RGS12: variants seen among roughly 807,000 people sequenced by gnomAD.
RGS12 encodes the protein regulator of G-protein signaling 12.
In RGS12, 66 loss-of-function variants were observed where a neutral mutation model predicts 120.1. That is an observed-to-expected ratio of 0.55 (90% CI 0.45 to 0.67). The LOEUF (loss-of-function observed/expected upper bound fraction) is 0.67, where lower values mean the gene tolerates loss of function less well. RGS12 is among the 30% of genes least tolerant of loss of function. RGS12 has a pLI of 0.00. For synonymous variants in RGS12, 827 were observed against 804.7 expected (o/e 1.03, Z -0.47); for missense variants, 1,859 against 1,957.7 (o/e 0.95, Z 0.95).
At chr4:3,309,374 GTGCAGGGGAGGAGCTGGGACCCT>G (rs1560645351) in intron 1 of RGS12, among the ~76,000 whole-genome samples, 1 of 139,868 alleles carries the variant, frequency 7.1e-6, no homozygotes. Context: ...GAGGGGAACC[GTGCAGGGGAGGAGCTGGGACCCT>G]GGAATGGCAG....
chr4:3,392,595 G>A (rs971476007), intron 4 of RGS12, among the ~76,000 whole-genome samples: 1 of 152,170 alleles, frequency 6.6e-6, no homozygotes, highest in Non-Finnish European at 1.5e-5. Context: ...AATTCCTGCC[G>A]ATCAGCCTGT....
chr4:3,329,810 A>G (rs967195628), intron 2 of RGS12, among the ~76,000 whole-genome samples: 1 of 152,262 alleles, frequency 6.6e-6, no homozygotes, highest in Non-Finnish European at 1.5e-5. Context: ...TGAGTCCATG[A>G]GTGCAAAATT....
At chr4:3,349,436 T>TA (rs1486447032) in intron 3 of RGS12, among the ~76,000 whole-genome samples, 1 of 152,222 alleles carries the variant, frequency 6.6e-6, no homozygotes, top group Non-Finnish European at 1.5e-5. Context: ...TACATACCTA[T>TA]AACTTTCTTC....
chr4:3,303,484 C>T (rs537231333), intron 1 of RGS12, among the ~76,000 whole-genome samples: 8 of 151,798 alleles, frequency 5.3e-5, no homozygotes, highest in Non-Finnish European at 1.0e-4. Context: ...ATACTCTGTC[C>T]CTGGAGGCTC....
chr4:3,364,127 A>C (rs1716036466), intron 3 of RGS12, among the ~76,000 whole-genome samples: 1 of 152,232 alleles, frequency 6.6e-6, no homozygotes. Flanking sequence ...AGCAGGATTT[A>C]TCTTAGATGA....
chr4:3,317,560 G>C lies in RGS12; in HGVS notation c.1390G>C (p.Gly464Arg), dbSNP rs1392415981. Residue 464 changes from glycine to arginine, a missense_variant, in exon 2 of 18, where the codon GGT (glycine) becomes CGT (arginine). Coordinates refer to ENST00000336727, the MANE Select transcript of RGS12 (RefSeq NM_001394154.1). ...GSAWDGVGGR[G>R]AQPWGAPWTG... ...CGCGTGGGACGGTGTGGGTGGGAGG[G>C]GTGCCCAGCCCTGGGGTGCTCCCTG... 2 of 1,607,372 alleles carry C rather than the reference G, an allele frequency of 1.2e-6. No individual in the cohort carries two copies. The highest frequency in any genetic ancestry group is 2.2e-5 in the East Asian group (1 of 44,822).
intron 3 of RGS12, among the ~76,000 whole-genome samples, chr4:3,369,055 C>T (rs1716690951): frequency 6.6e-6 from 1 of 152,104 alleles, no homozygotes; most frequent in Non-Finnish European, 1.5e-5. Context: ...GGCGGGAGCC[C>T]CTTCCTGGGC....
At chr4:3,288,067 C>G (rs948336218), upstream of RGS12, among the ~76,000 whole-genome samples, 1 of 152,236 alleles carries the variant, frequency 6.6e-6, no homozygotes, top group South Asian at 2.1e-4. This position sits in a 1 kb window ranked among gnomAD's most constrained non-coding sequence, Gnocchi z 5.2. Context: ...ACCGTGGGCC[C>G]GTACCTGCTG....
At position 3,390,674 on chromosome 4, in the gene RGS12, C is replaced by T. The variant is rs923128643; in HGVS notation, c.2020+4237C>T. Among the ~76,000 whole-genome samples the T allele has an allele frequency of 2.6e-5, 4 of 152,204 alleles. No individual in the cohort carries two copies. Among genetic ancestry groups the T allele is most frequent in the Non-Finnish European group, 4.4e-5 (3 of 68,032 alleles). ...TGGCCATGGCGGAAGATTCGGGCTC[C>T]ACCTGCAGCTCCACAGCTGACAGGC... On this transcript the variant is annotated intron_variant, in intron 4 of 17. Coordinates refer to ENST00000336727, the MANE Select transcript of RGS12 (RefSeq NM_001394154.1). This position sits in a 1 kb window ranked among gnomAD's most constrained non-coding sequence, Gnocchi z 4.6.
chr4:3,426,653 C>T (rs1723687147), intron 14 of RGS12: 1 of 152,134 alleles, frequency 6.6e-6, no homozygotes, highest in Admixed American at 6.5e-5. Context: ...CGGAGATGGG[C>T]TCGTCGCCCG....
chr4:3,398,576 TCAGA>T (rs1027202226), intron 4 of RGS12, among the ~76,000 whole-genome samples: 3 of 152,046 alleles, frequency 2.0e-5, no homozygotes, highest in Non-Finnish European at 4.4e-5. Flanking sequence ...AATATTAATA[TCAGA>T]CAAAGTGAAA....
At chr4:3,287,904 TC>T in the RGS12 span, among the ~76,000 whole-genome samples, 1 of 151,940 alleles carries the variant, frequency 6.6e-6, no homozygotes, top group Non-Finnish European at 1.5e-5. Context: ...CTCCCACATC[TC>T]CCCCAAACTC....
intron 4 of RGS12, among the ~76,000 whole-genome samples, chr4:3,403,607 CCT>C (rs1441042811): frequency 6.6e-6 from 1 of 152,206 alleles, no homozygotes; most frequent in Non-Finnish European, 1.5e-5. Context: ...ATTCCAGATC[CCT>C]GTTTTCTAAC....
At chr4:3,413,176 TGCTCGCGTCAGGAGGGACGGGGGC>T in intron 4 of RGS12, 7 of 148,756 alleles carry the variant, frequency 4.7e-5, no homozygotes, top group African/African-American at 1.7e-4. Context: ...GCCCCCACAC[TGCTCGCGTCAGGAGGGACGGGGGC>T]GCCCCCACAC....
At chr4:3,300,461 C>CCCTGGGAGGAGGAGGACTG (rs71180121) in intron 1 of RGS12, among the ~76,000 whole-genome samples, 12,116 of 152,162 alleles carry the variant, frequency 0.08, 646 homozygotes, top group African/African-American at 0.15. Context: ...GGGACGTTGG[C>CCCTGGGAGGAGGAGGACTG]CCTGGGAGGA....
chr4:3,425,411 G>A (rs1723502569), intron 13 of RGS12, 53 bp from the exon 14 acceptor site: 2 of 1,482,534 alleles, frequency 1.3e-6, no homozygotes, highest in Non-Finnish European at 1.9e-6. Context: ...ACACACATCT[G>A]TTCCCTGAAG....
chr4:3,439,828 A>C lies in RGS12; in HGVS notation c.*144A>C. The C allele has an allele frequency of 1.4e-6, 1 of 736,420 alleles. No individual in the cohort carries two copies. The highest frequency in any genetic ancestry group is 2.1e-6 in the Non-Finnish European group (1 of 471,030). The allele number at this position is 736,420 out of a possible 1,614,324, so 45.6% of individuals were successfully genotyped here. A position where few individuals can be genotyped will look rare whatever the true frequency, so the allele number is the denominator to read the frequency against. The stretch of plus-strand genomic sequence containing the variant: ...GGCAGGGGGTGACCTCGCTGGAGGC[A>C]CTGGCCCCGGACATTCGCCATGCTG... On this transcript the variant is annotated 3_prime_UTR_variant, in exon 18 of 18. Coordinates refer to ENST00000336727, the MANE Select transcript of RGS12 (RefSeq NM_001394154.1).
intron 1 of RGS12, among the ~76,000 whole-genome samples, chr4:3,304,475 A>G (rs756602517): frequency 1.3e-5 from 2 of 152,114 alleles, no homozygotes; most frequent in African/African-American, 4.8e-5. Context: ...GCTGGTGGAG[A>G]GGGAGGCAGC....
chr4:3,432,462 C>A (rs1724405226), intron 17 of RGS12, among the ~76,000 whole-genome samples: 1 of 152,220 alleles, frequency 6.6e-6, no homozygotes, highest in Non-Finnish European at 1.5e-5. Context: ...CCCGCACCCA[C>A]ACCCCGGCCC....
Sources: gnomAD v4.1 joint callset for allele counts (sites outside exome capture counted in the v4.1 genomes callset) on GRCh38, gnomAD v4.1.1 for gene constraint, Gnocchi (gnomAD v3.1) non-coding constraint, MANE v1.5 for transcripts, NCBI Gene and HGNC (gene_info 2026-07-23, HGNC 2026-07-21) for gene names.